Variants in TECPR1 observed in about 807,000 individuals in gnomAD.
TECPR1 encodes tectonin beta-propeller repeat containing 1, also known as tectonin beta-propeller repeat-containing protein 1.
A neutral mutation model predicts 162.4 loss-of-function variants in TECPR1; 122 were observed. The ratio of observed to expected loss-of-function variants is 0.75; its 90% confidence interval spans 0.65 to 0.87. TECPR1 has a LOEUF of 0.87. TECPR1 is among the 40% of genes least tolerant of loss of function. TECPR1 has a pLI of 0.00. For missense variants in TECPR1, 1,432 were observed against 1,618.2 expected (o/e 0.88, Z 1.97); for synonymous variants, 642 against 670.6 (o/e 0.96, Z 0.66).
At chr7:98,222,359 C>T in intron 22 of TECPR1, 27 bp downstream of exon 22, 1 of 1,602,468 alleles carries the variant, frequency 6.2e-7, no homozygotes, top group South Asian at 1.1e-5. Flanking sequence ...GTGAACACTG[C>T]AGGGGCTCCT....
chr7:98,233,272 A>C (rs1340405946), intron 11 of TECPR1, 149 bp downstream of exon 11: 2 of 1,132,198 alleles, frequency 1.8e-6, no homozygotes, highest in Non-Finnish European at 2.3e-6. Flanking sequence ...GAGGAGCGCA[A>C]TGCCTGGCTC....
intron 15 of TECPR1, among the ~76,000 whole-genome samples, chr7:98,230,143 C>T (rs1187434159): frequency 6.6e-6 from 1 of 151,916 alleles, no homozygotes; most frequent in African/African-American, 2.4e-5. Flanking sequence ...ACTACAAGTG[C>T]ATGACACCAT....
intron 2 of TECPR1, chr7:98,250,866 G>A (rs1799046182): frequency 6.6e-6 from 1 of 152,120 alleles, no homozygotes; most frequent in South Asian, 2.1e-4. Flanking sequence ...GGAGGGGTGG[G>A]GGGTTGCTGT....
rs768815998 is a variant in TECPR1 at position 98,246,021 on chromosome 7, C to T, written c.126G>A (p.Thr42=). Residue 42 remains threonine, a synonymous_variant, in exon 3 of 26, where the codon ACG becomes ACA. Transcript: ENST00000447648. ...CACAGGCAATGCCCCAGCAGCACTG[C>T]GTGGTGGCGCTGACGCGCTTGAACT... ...QLEFKRVSAT[T]QCCWGIACDN... 3.9e-5 allele frequency: 63 copies of T among 1,598,410 alleles called. No individual in the cohort carries two copies. Among genetic ancestry groups the T allele is most frequent in the East Asian group, 2.7e-4 (12 of 44,102 alleles).
rs756138056 is a variant in TECPR1, at chr7:98,245,991, G to T, written c.156C>A (p.Asn52Lys). ...TQCCWGIACD[N>K]QVYVYVCASD... is the part of the protein sequence containing the mutation. ...TGGCACACACATACACGTAGACCTG[G>T]TTGTCACAGGCAATGCCCCAGCAGC... The change falls in exon 3 of 26, where the codon AAC (asparagine) becomes AAA (lysine). Residue 52 changes from asparagine (N) to lysine (K), a missense_variant. Asn to Lys is a moderately conservative substitution (Grantham distance 94, BLOSUM62 0). Coordinates refer to ENST00000447648, the MANE Select transcript of TECPR1 (RefSeq NM_015395.3). The T allele has an allele frequency of 1.2e-6, 2 of 1,606,268 alleles. No homozygotes were observed. Among genetic ancestry groups the T allele is most frequent in the South Asian group, 2.2e-5 (2 of 89,590 alleles).
rs765569294 is a variant in TECPR1 at position 98,235,827 on chromosome 7, C to CAAAAAAAAAA, written c.1181+939_1181+948dup. Among the ~76,000 whole-genome samples, 23 of 36,658 alleles carry CAAAAAAAAAA rather than the reference C, an allele frequency of 6.3e-4. 1 individual carries two copies. The highest frequency in any genetic ancestry group is 1.4e-3 in the African/African-American group (20 of 14,598). 24.0% of individuals were successfully genotyped at this position (36,658 alleles called of 152,430 possible). The stretch of plus-strand genomic sequence containing the variant: ...CCTGGATGACAGAGTGAGACTGTCT[C>CAAAAAAAAAA]AAAAAAAAAAAAAAAAAAAAAAAAC... On this transcript the variant is annotated intron_variant, in intron 10 of 25. Transcript: ENST00000447648.
At chr7:98,248,491 C>T (rs556184404) in intron 2 of TECPR1, among the ~76,000 whole-genome samples, 4 of 126,864 alleles carry the variant, frequency 3.2e-5, no homozygotes, top group East Asian at 2.4e-4. Context: ...GACGATGGCA[C>T]GAGATAGAAG....
Position 98,224,782 on chromosome 7 carries a change from T to G in TECPR1, c.2690+19A>C. The G allele has an allele frequency of 6.4e-7, 1 of 1,570,364 alleles. No homozygotes were observed. The highest frequency in any genetic ancestry group is 8.6e-7 in the Non-Finnish European group (1 of 1,158,176). ...CATTCAGGACCCAGCCCGAAGGCCC[T>G]GTGCAGGGAGAGGCTTACGCAGGGA... On this transcript the variant is annotated intron_variant, in intron 19 of 25. Coordinates refer to ENST00000447648, the MANE Select transcript of TECPR1 (RefSeq NM_015395.3).
At position 98,231,132 on chromosome 7, in the gene TECPR1, A is replaced by C. The variant is rs747299721; in HGVS notation, c.2125-14T>G. ...GAGCAGGGCGAGCTGGTGTGGCACA[A>C]TGCCGGTCACTGCTGAGCAGGCCAG... On this transcript the variant is annotated splice_polypyrimidine_tract_variant and intron_variant, in intron 14 of 25. Transcript: ENST00000447648. 3.0e-5 allele frequency: 48 copies of C among 1,602,412 alleles called. No individual in the cohort carries two copies. The highest frequency in any genetic ancestry group is 4.1e-5 in the Non-Finnish European group (48 of 1,176,440).
chr7:98,246,270 C>CTTTTT, intron 2 of TECPR1, 105 bp from the exon 3 acceptor site: 1 of 564,524 alleles, frequency 1.8e-6, no homozygotes, highest in Non-Finnish European at 3.0e-6. Context: ...TTCTTTTTCT[C>CTTTTT]TTTTTTTTTT....
At position 98,238,514 on chromosome 7, in the gene TECPR1, C is replaced by A. The variant is rs868446063; in HGVS notation, c.1030G>T (p.Asp344Tyr). The change falls in exon 9 of 26, where the codon GAC (aspartate) becomes TAC (tyrosine). Residue 344 changes from aspartate (D) to tyrosine (Y), a missense_variant. Coordinates refer to ENST00000447648, the MANE Select transcript of TECPR1 (RefSeq NM_015395.3). Reference protein sequence around the residue: ...EMTMVNVGMNDQVWGIGCEDR... With the variant: ...EMTMVNVGMNYQVWGIGCEDR... ...CTGCAGACCCACGTGCACACCTGGT[C>A]GTTCATTCCCACGTTCACCATCGTC... is the stretch of plus-strand genomic sequence containing the variant. 6.4e-7 allele frequency: 1 copy of A among 1,560,750 alleles called. No homozygotes were observed. The highest frequency in any genetic ancestry group is 1.2e-5 in the South Asian group (1 of 84,496).
intron 9 of TECPR1, among the ~76,000 whole-genome samples, chr7:98,238,071 C>T (rs1268729119): frequency 6.6e-6 from 1 of 152,146 alleles, no homozygotes; most frequent in African/African-American, 2.4e-5. Flanking sequence ...CCACACCTGG[C>T]CGTGGTGTTT....
chr7:98,227,896 G>A, intron 17 of TECPR1, 118 bp downstream of exon 17: 1 of 732,158 alleles, frequency 1.4e-6, no homozygotes, highest in Non-Finnish European at 2.4e-6. Context: ...GTTTCCTGCT[G>A]GCGGCCTGAC....
Position 98,228,034 on chromosome 7 carries a change from G to A in TECPR1, c.2493C>T (p.Pro831=), listed in dbSNP as rs751515408. 11 of 1,612,760 alleles carry A rather than the reference G, an allele frequency of 6.8e-6. No individual in the cohort carries two copies. The highest frequency in any genetic ancestry group is 6.6e-5 in the South Asian group (6 of 90,556). ...VHIYENQRWN[P]VTGYTSRGLP... ...CTTACCTGCTGGTGTAGCCTGTGACGGGGTTCCAGCGCTGGTTCTCATAGA... is the reference window on the plus strand; with the variant it reads ...CTTACCTGCTGGTGTAGCCTGTGACAGGGTTCCAGCGCTGGTTCTCATAGA... The change falls in exon 17 of 26, where the codon CCC becomes CCT. Residue 831 remains proline, a synonymous_variant. Coordinates refer to ENST00000447648, the MANE Select transcript of TECPR1 (RefSeq NM_015395.3).
intron 21 of TECPR1, 56 bp downstream of exon 21, chr7:98,222,934 G>A (rs371930160): frequency 4.5e-5 from 71 of 1,589,630 alleles, no homozygotes; most frequent in Non-Finnish European, 5.4e-5. Flanking sequence ...GAGCCCTGCC[G>A]GACTCCAGAG....
Position 98,244,959 on chromosome 7 carries a change from GC to G in TECPR1, c.333del (p.Ser113ArgfsTer84). Reference protein sequence around the residue: ...LQHRPLDRVALPSPHWEWESD... With the variant: ...LQHRPLDRVAXPSPHWEWESD... Reference sequence around the variant, plus strand: ...GACTCCCACTCCCAGTGCGGCGAGGGCAGTGCCACCCTGTCCAGCGGCCGGT... The same window carrying G: ...GACTCCCACTCCCAGTGCGGCGAGGGAGTGCCACCCTGTCCAGCGGCCGGT... On this transcript the variant is annotated frameshift_variant, in exon 4 of 26. Coordinates refer to ENST00000447648, the MANE Select transcript of TECPR1 (RefSeq NM_015395.3). LOFTEE classifies it high-confidence loss of function. The G allele has an allele frequency of 6.2e-7, 1 of 1,612,918 alleles. No individual in the cohort carries two copies. The highest frequency in any genetic ancestry group is 8.5e-7 in the Non-Finnish European group (1 of 1,179,850).
intron 2 of TECPR1, among the ~76,000 whole-genome samples, chr7:98,247,274 A>G (rs567912896): frequency 6.6e-6 from 1 of 151,842 alleles, no homozygotes; most frequent in South Asian, 2.1e-4. Context: ...TCCTGGGACA[A>G]CAACAGACAT....
intron 22 of TECPR1, 111 bp from the exon 23 acceptor site, chr7:98,221,864 G>C: frequency 1.3e-6 from 1 of 797,216 alleles, no homozygotes. Flanking sequence ...CCTGGTGTCA[G>C]CTGTGTGCCA....
rs373215203 is a variant in TECPR1 at position 98,229,097 on chromosome 7, G to A, written c.2352C>T (p.Ile784=). ...EANSRGVVWG[I]GYDHTAWVYT... Reference sequence around the variant, plus strand: ...ATACCCAGGCCGTGTGGTCATAGCCGATGCCCCACACCACGCCCCGGCTGT... The same window carrying A: ...ATACCCAGGCCGTGTGGTCATAGCCAATGCCCCACACCACGCCCCGGCTGT... The change falls in exon 16 of 26, where the codon ATC becomes ATT. Residue 784 remains isoleucine, a synonymous_variant. Transcript: ENST00000447648. 177 of 1,582,606 alleles carry A rather than the reference G, an allele frequency of 1.1e-4. No individual in the cohort carries two copies. The highest frequency in any genetic ancestry group is 1.4e-4 in the Non-Finnish European group (166 of 1,165,334).
Sources: gnomAD v4.1 joint callset for allele counts (sites outside exome capture counted in the v4.1 genomes callset) on GRCh38, gnomAD v4.1.1 for gene constraint, MANE v1.5 for transcripts, NCBI Gene and HGNC (gene_info 2026-07-23, HGNC 2026-07-21) for gene names.